Variants in KAZN observed in about 807,000 individuals in gnomAD.
KAZN encodes the protein kazrin, periplakin interacting protein.
KAZN carries 40 observed loss-of-function variants against 87.4 expected under a neutral mutation model. The ratio of observed to expected loss-of-function variants is 0.46; its 90% CI spans 0.36 to 0.60. KAZN has a LOEUF of 0.60. Ranked by LOEUF, KAZN falls within the 20% of genes least tolerant of loss-of-function variation. KAZN has a pLI of 0.00. For synonymous variants in KAZN, 466 were observed against 458.3 expected (o/e 1.02, Z -0.22); for missense variants, 898 against 1,073.9 (o/e 0.84, Z 2.29).
intron 1 of KAZN, among the ~76,000 whole-genome samples, chr1:14,848,290 A>G (rs11584660): frequency 0.089 from 13,523 of 152,082 alleles, 706 homozygotes; most frequent in African/African-American, 0.13. Context: ...ATGACCCAGG[A>G]AGGGGAAGCT....
intron 1 of KAZN, among the ~76,000 whole-genome samples, chr1:14,662,878 T>C (rs1280814029): frequency 2.7e-5 from 4 of 147,788 alleles, no homozygotes; most frequent in African/African-American, 9.9e-5. Flanking sequence ...AATACTTATA[T>C]ATATATGTAT....
chr1:15,066,242 A>G lies in KAZN; in HGVS notation c.1222+489A>G, dbSNP rs182127618. The G allele has an allele frequency of 2.3e-4, 230 of 987,346 alleles. No individual in the cohort carries two copies. In the East Asian group the frequency reaches 4.8e-3, roughly 21 times the overall value. The allele number at this position is 987,346 out of a possible 1,614,324, so 61.2% of individuals were successfully genotyped here. Reference sequence around the variant, plus strand: ...CTGTGTATTTGTAAATAACAAAACTATTGTGCACTCTGTGCTTGTAAATGT... The same window carrying G: ...CTGTGTATTTGTAAATAACAAAACTGTTGTGCACTCTGTGCTTGTAAATGT... On this transcript the variant is annotated intron_variant, in intron 8 of 14. Coordinates refer to ENST00000376030, the MANE Select transcript of KAZN (RefSeq NM_201628.3). The surrounding 1 kb of genome is among the most constrained non-coding windows in gnomAD (Gnocchi z 4.3).
intron 1 of KAZN, among the ~76,000 whole-genome samples, chr1:14,811,572 T>A (rs1311915803): frequency 6.6e-6 from 1 of 152,230 alleles, no homozygotes; most frequent in East Asian, 1.9e-4. Context: ...TTCGCAAAGA[T>A]TTTTTTGCAC....
At chr1:14,202,764 A>T (rs1646665362) in intron 2 of KAZN, among the ~76,000 whole-genome samples, 1 of 152,080 alleles carries the variant, frequency 6.6e-6, no homozygotes, top group Non-Finnish European at 1.5e-5. Context: ...GGAAGATAAA[A>T]ATCATGATCA....
rs1023725671 is a variant in KAZN at position 14,856,449 on chromosome 1, C to T, written c.227-104235C>T. 6.6e-6 allele frequency among the ~76,000 whole-genome samples: 1 copy of T among 152,148 alleles called. No homozygotes were observed. The highest frequency in any genetic ancestry group is 1.5e-5 in the Non-Finnish European group (1 of 68,018). ...GCATAGCTAAAGACATTACAAAGGGCTGGGAATTAATATATACATAAGCGC... is the reference window on the plus strand; with the variant it reads ...GCATAGCTAAAGACATTACAAAGGGTTGGGAATTAATATATACATAAGCGC... On this transcript the variant is annotated intron_variant, in intron 1 of 14. Transcript: ENST00000376030. The surrounding 1 kb of genome is among the most constrained non-coding windows in gnomAD (Gnocchi z 5.2).
In KAZN at chr1:15,056,532, C is replaced by T. The variant is rs1013084679; in HGVS notation, c.916+252C>T. Among the ~76,000 whole-genome samples the T allele has an allele frequency of 2.7e-5, 4 of 147,614 alleles. No homozygotes were observed. Among genetic ancestry groups the T allele is most frequent in the Non-Finnish European group, 6.0e-5 (4 of 66,826 alleles). On this transcript the variant is annotated intron_variant, in intron 5 of 14. Coordinates refer to ENST00000376030, the MANE Select transcript of KAZN (RefSeq NM_201628.3). The surrounding 1 kb of genome is among the most constrained non-coding windows in gnomAD (Gnocchi z 5.4). ...TTAGCTCTGCCCACCTCCTTTTGGCCTCATCTTCAGGCTGTCTCTTTCAGC... is the reference window on the plus strand; with the variant it reads ...TTAGCTCTGCCCACCTCCTTTTGGCTTCATCTTCAGGCTGTCTCTTTCAGC...
intron 1 of KAZN, among the ~76,000 whole-genome samples, chr1:14,602,259 G>A (rs1327714553): frequency 1.3e-5 from 2 of 152,152 alleles, no homozygotes; most frequent in Non-Finnish European, 2.9e-5. Flanking sequence ...CTGGGCTTTC[G>A]GCACTTCGGA....
chr1:14,265,568 C>T (rs985359142), intron 2 of KAZN, among the ~76,000 whole-genome samples: 16 of 152,190 alleles, frequency 1.1e-4, no homozygotes, highest in Admixed American at 2.6e-4. Flanking sequence ...AGAATGCTTC[C>T]TTACAGCGAT....
intron 1 of KAZN, among the ~76,000 whole-genome samples, chr1:14,646,721 A>T (rs942266257): frequency 1.3e-5 from 2 of 152,204 alleles, no homozygotes; most frequent in African/African-American, 4.8e-5. Flanking sequence ...CTCCATGTCC[A>T]TAGGAACAAG....
At chr1:14,542,609 G>A (rs1672880356) in intron 2 of KAZN, among the ~76,000 whole-genome samples, 2 of 152,140 alleles carry the variant, frequency 1.3e-5, no homozygotes. Flanking sequence ...TTGTTACATG[G>A]GAATATTGTG....
At chr1:14,175,192 C>T (rs1385169167) in intron 1 of KAZN, among the ~76,000 whole-genome samples, 1 of 152,236 alleles carries the variant, frequency 6.6e-6, no homozygotes, top group East Asian at 1.9e-4. Context: ...CAAGCTCCGC[C>T]TCCCGGGTTC....
At chr1:14,010,553 G>A (rs962033583) in intron 1 of KAZN, among the ~76,000 whole-genome samples, 2 of 152,200 alleles carry the variant, frequency 1.3e-5, no homozygotes, top group African/African-American at 4.8e-5. Flanking sequence ...GCCAAAAGCA[G>A]CCTCTCCACC....
chr1:14,928,172 G>A (rs943415194), intron 1 of KAZN, among the ~76,000 whole-genome samples: 10 of 151,930 alleles, frequency 6.6e-5, no homozygotes, highest in Admixed American at 2.0e-4. Context: ...ACATTATGGC[G>A]GGGCGCAGTG....
intron 2 of KAZN, chr1:14,180,621 T>A (rs780556359): frequency 1.3e-4 from 199 of 1,522,902 alleles, no homozygotes; most frequent in Non-Finnish European, 1.7e-4. Flanking sequence ...AAATTCTCTA[T>A]GGAGAAGGTG....
At chr1:14,399,741 C>G (rs1663224658) in intron 2 of KAZN, among the ~76,000 whole-genome samples, 2 of 152,210 alleles carry the variant, frequency 1.3e-5, no homozygotes, top group South Asian at 4.2e-4. Flanking sequence ...GATCAAAACC[C>G]CTACCTGTGC....
At chr1:14,472,989 C>T (rs1403726711) in intron 2 of KAZN, among the ~76,000 whole-genome samples, 1 of 152,016 alleles carries the variant, frequency 6.6e-6, no homozygotes, top group Non-Finnish European at 1.5e-5. Flanking sequence ...GATAAATACA[C>T]CTTTCAGTTT....
At chr1:14,353,417 G>A (rs1658725732) in intron 2 of KAZN, among the ~76,000 whole-genome samples, 1 of 151,994 alleles carries the variant, frequency 6.6e-6, no homozygotes, top group African/African-American at 2.4e-5. Flanking sequence ...TAGAGATGGG[G>A]TTTCACTGTG....
chr1:14,240,926 T>A (rs568092441), intron 2 of KAZN, among the ~76,000 whole-genome samples: 1 of 152,244 alleles, frequency 6.6e-6, no homozygotes, highest in Non-Finnish European at 1.5e-5. Flanking sequence ...CCCACCGAAC[T>A]GGGGTTGTGA....
chr1:14,976,996 A>G (rs1359053548), intron 2 of KAZN, among the ~76,000 whole-genome samples: 1 of 152,258 alleles, frequency 6.6e-6, no homozygotes, highest in Non-Finnish European at 1.5e-5. Flanking sequence ...CAGAGGTTGC[A>G]GTGAGCCAAG....
Sources: allele counts gnomAD v4.1 joint callset (sites outside exome capture counted in the v4.1 genomes callset), GRCh38; gene constraint gnomAD v4.1.1; non-coding constraint Gnocchi (gnomAD v3.1); transcripts MANE v1.5; gene names NCBI Gene and HGNC (gene_info 2026-07-23, HGNC 2026-07-21).